XRN1: variants seen among roughly 807,000 people sequenced by gnomAD.
XRN1 encodes strand-exchange protein 1 homolog.
A neutral mutation model predicts 222.3 loss-of-function variants in XRN1; 67 were observed. The ratio of observed to expected loss-of-function variants is 0.30; its 90% CI spans 0.25 to 0.37. The LOEUF is 0.37. Ranked by LOEUF, XRN1 falls within the 10% of genes least tolerant of loss-of-function variation. The pLI, the probability that XRN1 is intolerant of heterozygous loss-of-function variation, is 1.00. For synonymous variants in XRN1, 643 were observed against 652.4 expected (o/e 0.99, Z 0.22); for missense variants, 1,707 against 2,000.2 (o/e 0.85, Z 2.80).
chr3:142,359,729 G>A (rs1051803688), intron 30 of XRN1, 133 bp downstream of exon 30: 1 of 575,262 alleles, frequency 1.7e-6, no homozygotes, highest in Non-Finnish European at 2.9e-6. Context: ...GCCTTATTCA[G>A]TGTTACATCC....
In XRN1 at chr3:142,421,475, C is replaced by A; in HGVS notation, c.1035+1G>T. 2 of 1,606,864 alleles carry A rather than the reference C, an allele frequency of 1.2e-6. No homozygotes were observed. Among genetic ancestry groups the A allele is most frequent in the Non-Finnish European group, 1.7e-6 (2 of 1,176,782 alleles). ...GAAACCAAAAATTTCTAGTTACTTACATCTGATAGTTTCACAAGGTATTTC... is the reference window on the plus strand; with the variant it reads ...GAAACCAAAAATTTCTAGTTACTTAAATCTGATAGTTTCACAAGGTATTTC... On this transcript the variant is annotated splice_donor_variant, in intron 9 of 40. Coordinates refer to ENST00000392981, the MANE Select transcript of XRN1 (RefSeq NM_001282857.2). LOFTEE classifies it high-confidence loss of function.
At chr3:142,377,220 T>TAA (rs1362209086) in intron 23 of XRN1, among the ~76,000 whole-genome samples, 2 of 139,596 alleles carry the variant, frequency 1.4e-5, no homozygotes, top group Admixed American at 1.4e-4. Context: ...ATTGTCACAT[T>TAA]AAAAAAAAAA....
At chr3:142,350,303 G>T (rs900886555) in intron 32 of XRN1, among the ~76,000 whole-genome samples, 1 of 152,074 alleles carries the variant, frequency 6.6e-6, no homozygotes, top group African/African-American at 2.4e-5. Flanking sequence ...TCTCTCTGAG[G>T]AGAGAGAGTA....
In XRN1 at chr3:142,318,657, A is replaced by C; in HGVS notation, c.4556T>G (p.Val1519Gly). The change falls in exon 39 of 41, where the codon GTA becomes GGA. Residue 1519 changes from valine (V) to glycine (G), a missense_variant. Transcript: ENST00000392981. ...TACAGCTGAAGGATAATTTGCAAAT[A>C]CTTGTGAAGGCAAAGGGAAATTCAT... ...LGMNFPLPSQ[V>G]FANYPSAVPP... The C allele has an allele frequency of 6.2e-7, 1 of 1,609,988 alleles. No homozygotes were observed. Among genetic ancestry groups the C allele is most frequent in the Admixed American group, 1.7e-5 (1 of 59,258 alleles).
intron 1 of XRN1, chr3:142,435,881 A>T (rs1347511833): frequency 6.6e-6 from 1 of 152,034 alleles, no homozygotes; most frequent in Non-Finnish European, 1.5e-5. Flanking sequence ...GTGAATGGTG[A>T]AACCCCATCT....
rs775727146 is a variant in XRN1 at position 142,359,936 on chromosome 3, T to C, written c.3395-5A>G. The C allele has an allele frequency of 3.8e-6, 6 of 1,578,640 alleles. No individual in the cohort carries two copies. The highest frequency in any genetic ancestry group is 5.2e-6 in the Non-Finnish European group (6 of 1,162,296). On this transcript the variant is annotated splice_region_variant and splice_polypyrimidine_tract_variant and intron_variant, in intron 29 of 40. Coordinates refer to ENST00000392981, the MANE Select transcript of XRN1 (RefSeq NM_001282857.2). Reference sequence around the variant, plus strand: ...GTACATCGGCTTCTCTATTAGCTGTTACAATAGGGAGAGAAAAAGAGACAC... The same window carrying C: ...GTACATCGGCTTCTCTATTAGCTGTCACAATAGGGAGAGAAAAAGAGACAC...
At chr3:142,334,405 AG>A (rs1024452796) in intron 34 of XRN1, among the ~76,000 whole-genome samples, 5 of 151,990 alleles carry the variant, frequency 3.3e-5, no homozygotes, top group Non-Finnish European at 5.9e-5. Context: ...AAAATATGAT[AG>A]GCATACAGAA....
chr3:142,406,803 TA>T (rs1559856484), intron 15 of XRN1, among the ~76,000 whole-genome samples: 1 of 152,044 alleles, frequency 6.6e-6, no homozygotes, highest in East Asian at 1.9e-4. Context: ...GTGTGAGCCA[TA>T]AACATTATTT....
intron 18 of XRN1, among the ~76,000 whole-genome samples, chr3:142,401,781 A>T (rs1460113044): frequency 1.3e-5 from 2 of 152,194 alleles, no homozygotes; most frequent in African/African-American, 2.4e-5. Context: ...TCCCGTCTAC[A>T]CAATCTTAGC....
intron 33 of XRN1, among the ~76,000 whole-genome samples, chr3:142,336,914 T>G (rs1003618451): frequency 4.6e-5 from 7 of 151,998 alleles, no homozygotes; most frequent in Non-Finnish European, 7.4e-5. Context: ...TGTATTTAAC[T>G]TAAAGAGTAA....
intron 33 of XRN1, among the ~76,000 whole-genome samples, chr3:142,343,802 T>G (rs553404320): frequency 6.6e-6 from 1 of 152,334 alleles, no homozygotes; most frequent in South Asian, 2.1e-4. Context: ...GTTGCAGCAC[T>G]GTTCACAACA....
At chr3:142,409,172 T>A (rs1164393385) in intron 15 of XRN1, among the ~76,000 whole-genome samples, 1 of 152,246 alleles carries the variant, frequency 6.6e-6, no homozygotes, top group Non-Finnish European at 1.5e-5. Flanking sequence ...ATAGCATCTT[T>A]TGATAAATGG....
chr3:142,419,149 C>A (rs938262768), intron 10 of XRN1, among the ~76,000 whole-genome samples: 41 of 152,248 alleles, frequency 2.7e-4, no homozygotes, highest in African/African-American at 9.4e-4. Context: ...TGGCCTCTAC[C>A]AACTTCCTGT....
chr3:142,354,391 GA>G (rs2066402839), intron 32 of XRN1, among the ~76,000 whole-genome samples: 1 of 152,170 alleles, frequency 6.6e-6, no homozygotes, highest in Admixed American at 6.5e-5. Context: ...ACTTAAAACA[GA>G]ACTACCATTC....
intron 25 of XRN1, among the ~76,000 whole-genome samples, chr3:142,373,532 G>A (rs1002363854): frequency 3.3e-5 from 5 of 152,058 alleles, no homozygotes; most frequent in Non-Finnish European, 7.4e-5. Flanking sequence ...TCCATACCAA[G>A]GCACACATCC....
Sources: gnomAD v4.1 joint callset for allele counts (sites outside exome capture counted in the v4.1 genomes callset) on GRCh38, gnomAD v4.1.1 for gene constraint, MANE v1.5 for transcripts, NCBI Gene and HGNC (gene_info 2026-07-23, HGNC 2026-07-21) for gene names.